The following SCAPER variants were observed in gnomAD, a reference collection of about 807,000 sequenced individuals.
The protein encoded by SCAPER is S phase cyclin A-associated protein in the endoplasmic reticulum.
Under a neutral mutation model 182.2 loss-of-function variants are expected in SCAPER, and 98 were observed. That is an observed-to-expected ratio of 0.54 (90% CI 0.46 to 0.64). The LOEUF is 0.64. Ranked by LOEUF, SCAPER falls within the 30% of genes least tolerant of loss-of-function variation. SCAPER has a pLI of 0.00. For missense variants in SCAPER, 1,432 were observed against 1,690.0 expected, an observed-to-expected ratio of 0.85 and a Z score of 2.68; for synonymous variants, 605 against 564.6, an observed-to-expected ratio of 1.07 and a Z score of -1.01.
chr15:76,370,436 C>T (rs2042091724), intron 29 of SCAPER, among the ~76,000 whole-genome samples: 1 of 151,746 alleles, frequency 6.6e-6, no homozygotes, highest in Non-Finnish European at 1.5e-5. Context: ...TCCCAAGTAG[C>T]TGGGACTACA....
At chr15:76,667,772 G>T (rs1050423863) in intron 20 of SCAPER, among the ~76,000 whole-genome samples, 1 of 151,500 alleles carries the variant, frequency 6.6e-6, no homozygotes, top group African/African-American at 2.4e-5. Flanking sequence ...GGCCAACATG[G>T]TAGAATCCCG....
chr15:76,411,664 T>C (rs909836703), intron 26 of SCAPER, among the ~76,000 whole-genome samples: 7 of 152,202 alleles, frequency 4.6e-5, no homozygotes, highest in Admixed American at 2.6e-4. Context: ...TGTTGAGTCA[T>C]AGAATAGATG....
chr15:76,726,725 T>C (rs2060619913), intron 17 of SCAPER, among the ~76,000 whole-genome samples: 1 of 152,044 alleles, frequency 6.6e-6, no homozygotes, highest in African/African-American at 2.4e-5. Flanking sequence ...GACATTAGGA[T>C]AAGTCACAAA....
At chr15:76,532,956 A>C (rs1431237167) in intron 23 of SCAPER, among the ~76,000 whole-genome samples, 1 of 152,244 alleles carries the variant, frequency 6.6e-6, no homozygotes, top group Non-Finnish European at 1.5e-5. Context: ...TATGCAGAAC[A>C]CTGCTTTGCA....
At position 76,471,245 on chromosome 15, in the gene SCAPER, G is replaced by A; in HGVS notation, c.3045C>T (p.Thr1015=). 3 of 1,611,242 alleles carry A rather than the reference G, an allele frequency of 1.9e-6. No homozygotes were observed. Among genetic ancestry groups the A allele is most frequent in the Non-Finnish European group, 2.5e-6 (3 of 1,178,684 alleles). Residue 1015 remains threonine (T), a synonymous_variant, in exon 25 of 32, where the codon ACC becomes ACT. Coordinates refer to ENST00000563290, the MANE Select transcript of SCAPER (RefSeq NM_020843.4). The part of the protein sequence containing the change: ...CSDVLFSNKI[T]FLMDLLIHQL... Reference sequence around the variant, plus strand: ...GGTGTATCAGGAGGTCCATTAAGAAGGTAATCTTGTTACTAAACAGAACAT... The same window carrying A: ...GGTGTATCAGGAGGTCCATTAAGAAAGTAATCTTGTTACTAAACAGAACAT...
rs150450318 is a variant in SCAPER at position 76,356,237 on chromosome 15, T to C, written c.3856-2097A>G. On this transcript the variant is annotated intron_variant, in intron 29 of 31. Coordinates refer to ENST00000563290, the MANE Select transcript of SCAPER (RefSeq NM_020843.4). The stretch of plus-strand genomic sequence containing the variant: ...TGTGGCATAGAGGGTGGCAGTCTGA[T>C]GTCATGAGCACAGATGAACCGTCAG... 5.3e-3 allele frequency among the ~76,000 whole-genome samples: 813 copies of C among 152,298 alleles called. 13 individuals are homozygous for C. The highest frequency in any genetic ancestry group is 0.019 in the African/African-American group (774 of 41,578).
chr15:76,489,624 T>C (rs1411751202), intron 24 of SCAPER, among the ~76,000 whole-genome samples: 1 of 152,128 alleles, frequency 6.6e-6, no homozygotes, highest in East Asian at 1.9e-4. Flanking sequence ...CTTTTTAAAA[T>C]TTTATATTTA....
chr15:76,444,027 G>A (rs1433308175), intron 25 of SCAPER, among the ~76,000 whole-genome samples: 1 of 152,210 alleles, frequency 6.6e-6, no homozygotes, highest in African/African-American at 2.4e-5. Flanking sequence ...TGCTCATTAT[G>A]AGTGCGTTTT....
At chr15:76,780,036 G>T (rs1191313569) in intron 8 of SCAPER, among the ~76,000 whole-genome samples, 1 of 152,206 alleles carries the variant, frequency 6.6e-6, no homozygotes, top group Non-Finnish European at 1.5e-5. Context: ...GGTTGGACAG[G>T]AGGCGCCCAC....
chr15:76,834,557 G>A (rs1385014936), intron 5 of SCAPER, among the ~76,000 whole-genome samples: 1 of 152,026 alleles, frequency 6.6e-6, no homozygotes, highest in Non-Finnish European at 1.5e-5. Context: ...TACTAATAAG[G>A]AAGAGCTGAA....
At chr15:76,568,839 C>T (rs1330078310) in intron 23 of SCAPER, among the ~76,000 whole-genome samples, 1 of 151,862 alleles carries the variant, frequency 6.6e-6, no homozygotes, top group Non-Finnish European at 1.5e-5. Context: ...AGTGAGTTTT[C>T]CAATCCATAA....
At chr15:76,789,437 A>G (rs2064848374) in intron 8 of SCAPER, among the ~76,000 whole-genome samples, 1 of 152,172 alleles carries the variant, frequency 6.6e-6, no homozygotes, top group African/African-American at 2.4e-5. Context: ...ATAGAAAGAA[A>G]TGCTGCTTAA....
intron 29 of SCAPER, among the ~76,000 whole-genome samples, chr15:76,371,659 C>T (rs1298659058): frequency 6.6e-6 from 1 of 151,342 alleles, no homozygotes; most frequent in Non-Finnish European, 1.5e-5. Context: ...TGGCTCATTC[C>T]TGTAATTCCA....
intron 17 of SCAPER, among the ~76,000 whole-genome samples, chr15:76,713,655 G>A (rs1207324373): frequency 6.6e-6 from 1 of 152,108 alleles, no homozygotes; most frequent in East Asian, 1.9e-4. Flanking sequence ...GGGAGGGATA[G>A]CATTAGGAGA....
intron 23 of SCAPER, among the ~76,000 whole-genome samples, chr15:76,523,403 C>T (rs1293886496): frequency 4.6e-5 from 7 of 152,150 alleles, no homozygotes; most frequent in Admixed American, 4.6e-4. Flanking sequence ...GCTATGGTTC[C>T]CAGGTCAGTC....
intron 25 of SCAPER, among the ~76,000 whole-genome samples, chr15:76,440,682 T>C (rs1187020967): frequency 6.6e-6 from 1 of 152,160 alleles, no homozygotes; most frequent in Non-Finnish European, 1.5e-5. Context: ...CAAGTTCTTA[T>C]ATTGTTGGCC....
At chr15:76,436,265 A>C (rs937376761) in intron 25 of SCAPER, among the ~76,000 whole-genome samples, 2 of 152,104 alleles carry the variant, frequency 1.3e-5, no homozygotes, top group Non-Finnish European at 2.9e-5. Flanking sequence ...ACAGGGTTTC[A>C]CCATGTTGGC....
chr15:76,731,146 T>C (rs1274006453), intron 16 of SCAPER, among the ~76,000 whole-genome samples: 2 of 152,148 alleles, frequency 1.3e-5, no homozygotes, highest in Non-Finnish European at 2.9e-5. Flanking sequence ...TAAAATAATA[T>C]ACACTATGAA....
At chr15:76,777,981 G>C (rs1261445129) in intron 8 of SCAPER, among the ~76,000 whole-genome samples, 2 of 152,278 alleles carry the variant, frequency 1.3e-5, no homozygotes, top group African/African-American at 2.4e-5. Flanking sequence ...TTTTATAATA[G>C]AGTGTTAAAT....
Sources: gnomAD v4.1 joint callset for allele counts (sites outside exome capture counted in the v4.1 genomes callset) on GRCh38, gnomAD v4.1.1 for gene constraint, MANE v1.5 for transcripts, NCBI Gene and HGNC (gene_info 2026-07-23, HGNC 2026-07-21) for gene names.